SLBP: variants seen among roughly 807,000 people sequenced by gnomAD.
SLBP encodes the protein histone RNA hairpin-binding protein.
SLBP carries 29 observed loss-of-function variants against 39.2 expected under a neutral mutation model. The observed-to-expected ratio is 0.74, with a 90% CI of 0.55 to 1.01. The LOEUF (loss-of-function observed/expected upper bound fraction) is 1.01, where lower values mean the gene tolerates loss of function less well. Ranked by LOEUF, SLBP falls within the 50% of genes least tolerant of loss-of-function variation. The probability of loss-of-function intolerance (pLI) is 0.00; values close to 1 mark genes in which losing one functional copy is unlikely to be tolerated. For synonymous variants in SLBP, 129 were observed against 118.7 expected, an observed-to-expected ratio of 1.09 and a Z score of -0.57; for missense variants, 390 against 350.2, an observed-to-expected ratio of 1.11 and a Z score of -0.91.
chr4:1,707,718 G>A (rs958830587), intron 2 of SLBP, among the ~76,000 whole-genome samples: 62 of 151,374 alleles, frequency 4.1e-4, no homozygotes, highest in Admixed American at 7.2e-4. Context: ...AGGCTGAGGC[G>A]GGCGGATCAC....
chr4:1,711,331 C>T (rs1380024113), intron 2 of SLBP, among the ~76,000 whole-genome samples: 3 of 151,918 alleles, frequency 2.0e-5, no homozygotes, highest in East Asian at 3.9e-4. Flanking sequence ...CGGGACGAGC[C>T]ACCCCAAAGC....
chr4:1,705,703 C>T (rs1716491000), intron 2 of SLBP, among the ~76,000 whole-genome samples: 1 of 152,156 alleles, frequency 6.6e-6, no homozygotes, highest in South Asian at 2.1e-4. Flanking sequence ...TGCAAATGGT[C>T]CTGTAACGTG....
chr4:1,710,169 G>T (rs563394120), intron 2 of SLBP, among the ~76,000 whole-genome samples: 1 of 152,350 alleles, frequency 6.6e-6, no homozygotes, highest in African/African-American at 2.4e-5. Flanking sequence ...AGGAGCCACT[G>T]CGCCCAGCCC....
intron 6 of SLBP, 112 bp downstream of exon 6, chr4:1,696,090 C>A (rs932443377): frequency 1.1e-6 from 1 of 891,746 alleles, no homozygotes. Flanking sequence ...GCTCTGCTCC[C>A]CAACAGCTGC....
rs34503092 is a variant in SLBP, at chr4:1,711,051, TAAAAAAA to T, written c.176+816_176+822del. ...GTGAGACAGAGTGAGACCCTGTCTT[TAAAAAAA>T]AAAAAAAAAAAAAAAAAGTAACGCA... On this transcript the variant is annotated intron_variant, in intron 2 of 7. Coordinates refer to ENST00000489418, the MANE Select transcript of SLBP (RefSeq NM_006527.4). Among the ~76,000 whole-genome samples the T allele has an allele frequency of 4.8e-4, 58 of 121,496 alleles. 1 individual carries two copies. The highest frequency in any genetic ancestry group is 2.7e-3 in the Admixed American group (31 of 11,352). 79.7% of individuals were successfully genotyped at this position (121,496 alleles called of 152,430 possible).
At chr4:1,710,743 GAAA>G (rs58656697) in intron 2 of SLBP, among the ~76,000 whole-genome samples, 1 of 145,700 alleles carries the variant, frequency 6.9e-6, no homozygotes, top group African/African-American at 2.5e-5. Context: ...TATCTGCTTA[GAAA>G]AAAAAAAAGA....
intron 5 of SLBP, 142 bp from the exon 6 acceptor site, chr4:1,696,493 A>G: frequency 2.9e-6 from 2 of 698,238 alleles, no homozygotes; most frequent in East Asian, 6.7e-5. Flanking sequence ...CTGTAATCCT[A>G]GCATTTTGGG....
At position 1,712,227 on chromosome 4, in the gene SLBP, G is replaced by C; in HGVS notation, c.-39C>G. On this transcript the variant is annotated 5_prime_UTR_variant, in exon 1 of 8. Transcript: ENST00000489418. ...GGGCGCGCAGCGCAGGGCCGAGGCTGAGGCGGCGGCGGCGCGGGCAGAGAG... is the reference window on the plus strand; with the variant it reads ...GGGCGCGCAGCGCAGGGCCGAGGCTCAGGCGGCGGCGGCGCGGGCAGAGAG... 1 of 1,225,670 alleles carries C rather than the reference G, an allele frequency of 8.2e-7. No homozygotes were observed. Among genetic ancestry groups the C allele is most frequent in the Non-Finnish European group, 1.0e-6 (1 of 965,502 alleles). The allele number at this position is 1,225,670 out of a possible 1,614,324, so 75.9% of individuals were successfully genotyped here.
chr4:1,709,924 T>A (rs1716673683), intron 2 of SLBP, among the ~76,000 whole-genome samples: 1 of 149,838 alleles, frequency 6.7e-6, no homozygotes, highest in Admixed American at 6.7e-5. Context: ...TTAAAGTGAT[T>A]GTACTCAATA....
In SLBP at chr4:1,692,857, C is replaced by G. The variant is rs1411465124; in HGVS notation, c.*740G>C. On this transcript the variant is annotated 3_prime_UTR_variant, in exon 8 of 8. Transcript: ENST00000489418. Reference sequence around the variant, plus strand: ...CCATACAAAAGCAATAGAAACGTAACAGTCTTAACAAGAAGTTTACAATTG... The same window carrying G: ...CCATACAAAAGCAATAGAAACGTAAGAGTCTTAACAAGAAGTTTACAATTG... 1 of 152,548 alleles carries G rather than the reference C, an allele frequency of 6.6e-6. No homozygotes were observed. Among genetic ancestry groups the G allele is most frequent in the East Asian group, 1.9e-4 (1 of 5,192 alleles). The allele number at this position is 152,548 out of a possible 1,614,324, so 9.4% of individuals were successfully genotyped here. A position where few individuals can be genotyped will look rare whatever the true frequency, so the allele number is the denominator to read the frequency against.
chr4:1,693,558 G>T lies in SLBP; in HGVS notation c.*39C>A. On this transcript the variant is annotated 3_prime_UTR_variant, in exon 8 of 8. Coordinates refer to ENST00000489418, the MANE Select transcript of SLBP (RefSeq NM_006527.4). ...TGCCTGGCCAGCCTTCCACCTAGTC[G>T]GGGAGGAGCTGTTTCTCTTCCTGGC... 8.1e-7 allele frequency: 1 copy of T among 1,237,172 alleles called. No homozygotes were observed. Among genetic ancestry groups the T allele is most frequent in the East Asian group, 2.3e-5 (1 of 43,112 alleles). The allele number at this position is 1,237,172 out of a possible 1,614,324, so 76.6% of individuals were successfully genotyped here.
chr4:1,699,417 C>T (rs182220753), intron 5 of SLBP, 147 bp downstream of exon 5: 27 of 591,120 alleles, frequency 4.6e-5, no homozygotes, highest in Non-Finnish European at 6.9e-5. Context: ...TCTTTATTTA[C>T]GTCATAAGCC....
intron 3 of SLBP, among the ~76,000 whole-genome samples, chr4:1,702,764 T>G (rs532363928): frequency 6.6e-6 from 1 of 152,316 alleles, no homozygotes; most frequent in South Asian, 2.1e-4. Context: ...CAATCTTGTG[T>G]GCAACTGCAA....
intron 7 of SLBP, among the ~76,000 whole-genome samples, chr4:1,693,980 TAC>T (rs1244980921): frequency 6.6e-6 from 1 of 152,234 alleles, no homozygotes; most frequent in Non-Finnish European, 1.5e-5. Context: ...CCTGGCCATG[TAC>T]ATAGTTTATA....
intron 2 of SLBP, among the ~76,000 whole-genome samples, chr4:1,709,308 G>A (rs1232453677): frequency 2.6e-5 from 4 of 152,188 alleles, no homozygotes; most frequent in African/African-American, 4.8e-5. Flanking sequence ...TAAAAATATG[G>A]CACAGTAAGT....
At chr4:1,711,515 G>A (rs775226561) in intron 2 of SLBP, among the ~76,000 whole-genome samples, 45 of 152,280 alleles carry the variant, frequency 3.0e-4, no homozygotes, top group African/African-American at 8.4e-4. Context: ...GGCCAAGCAG[G>A]TAAGCCCTGT....
chr4:1,697,160 A>T (rs1716140551), intron 5 of SLBP, among the ~76,000 whole-genome samples: 11 of 49,646 alleles, frequency 2.2e-4, no homozygotes, highest in African/African-American at 9.8e-4. Flanking sequence ...CTCCACCTTA[A>T]AAAAAAAAAA....
intron 5 of SLBP, among the ~76,000 whole-genome samples, chr4:1,698,227 G>A (rs1202260302): frequency 6.6e-6 from 1 of 151,078 alleles, no homozygotes. Flanking sequence ...AAGTGTGGTG[G>A]CAGGCGCCTG....
In SLBP at chr4:1,712,162, C is replaced by T; in HGVS notation, c.27G>A (p.Pro9=). 1 of 1,234,574 alleles carries T rather than the reference C, an allele frequency of 8.1e-7. No homozygotes were observed. Among genetic ancestry groups the T allele is most frequent in the Non-Finnish European group, 1.0e-6 (1 of 991,668 alleles). 76.5% of individuals were successfully genotyped at this position (1,234,574 alleles called of 1,614,324 possible). MACRPRSP[P]RHQSRCDGDA... ...CACCGTCGCAGCGGCTCTGATGCCT[C>T]GGCGGGCTTCGCGGGCGGCAGGCCA... Residue 9 remains proline (P), a synonymous_variant, in exon 1 of 8, where the codon CCG becomes CCA. Coordinates refer to ENST00000489418, the MANE Select transcript of SLBP (RefSeq NM_006527.4).
Sources: allele counts gnomAD v4.1 joint callset (sites outside exome capture counted in the v4.1 genomes callset), GRCh38; gene constraint gnomAD v4.1.1; transcripts MANE v1.5; gene names NCBI Gene and HGNC (gene_info 2026-07-23, HGNC 2026-07-21).